The following SPOP variants were observed in gnomAD, a reference collection of about 807,000 sequenced individuals.
SPOP encodes speckle-type POZ protein.
A neutral mutation model predicts 45.6 loss-of-function variants in SPOP; 11 were observed. That is an observed-to-expected ratio of 0.24 (90% confidence interval 0.15 to 0.40). SPOP has a LOEUF of 0.40. Ranked by LOEUF, SPOP falls within the 10% of genes least tolerant of loss-of-function variation. SPOP has a pLI of 1.00. For synonymous variants in SPOP, 166 were observed against 166.3 expected (o/e 1.00, Z 0.01); for missense variants, 152 against 465.6 (o/e 0.33, Z 6.20).
chr17:49,651,967 C>G (rs887006389), intron 1 of SPOP, among the ~76,000 whole-genome samples: 1 of 151,204 alleles, frequency 6.6e-6, no homozygotes, highest in African/African-American at 2.4e-5. Flanking sequence ...TGCAATGAGC[C>G]GAAATCGTGC....
At position 49,619,451 on chromosome 17, in the gene SPOP, C is replaced by T; in HGVS notation, c.201-66G>A. 1 of 1,523,486 alleles carries T rather than the reference C, an allele frequency of 6.6e-7. No homozygotes were observed. The highest frequency in any genetic ancestry group is 1.2e-5 in the South Asian group (1 of 80,566). The allele number at this position is 1,523,486 out of a possible 1,614,324, so 94.4% of individuals were successfully genotyped here. ...CATTTTGATAGAACTGGAAATCAGA[C>T]TCAAGAGAGGGAGATGTTTAAAAAA... On this transcript the variant is annotated intron_variant, in intron 3 of 9. Coordinates refer to ENST00000504102, the MANE Select transcript of SPOP (RefSeq NM_001007228.2). This position sits in a 1 kb window ranked among gnomAD's most constrained non-coding sequence, Gnocchi z 4.9.
chr17:49,622,664 A>T, intron 2 of SPOP, 69 bp downstream of exon 2: 1 of 1,360,146 alleles, frequency 7.4e-7, no homozygotes, highest in Non-Finnish European at 1.1e-6. Context: ...GTAGAAAAGC[A>T]ATCCTACTCC....
intron 1 of SPOP, among the ~76,000 whole-genome samples, chr17:49,668,354 T>C (rs1288215719): frequency 6.6e-6 from 1 of 152,070 alleles, no homozygotes; most frequent in Non-Finnish European, 1.5e-5. Context: ...TACAACCAAA[T>C]ACTAAACAGC....
At chr17:49,672,659 T>C (rs778743569) in intron 1 of SPOP, among the ~76,000 whole-genome samples, 7 of 152,078 alleles carry the variant, frequency 4.6e-5, no homozygotes, top group Non-Finnish European at 7.4e-5. Context: ...AAAACCAGTA[T>C]CATGAGGCCA....
At chr17:49,613,866 C>T (rs2072027289) in intron 5 of SPOP, among the ~76,000 whole-genome samples, 1 of 152,090 alleles carries the variant, frequency 6.6e-6, no homozygotes, top group Non-Finnish European at 1.5e-5. Context: ...CTGAGAAAAA[C>T]TAAAGATTTT....
intron 1 of SPOP, among the ~76,000 whole-genome samples, chr17:49,650,449 G>A (rs1454456019): frequency 2.0e-5 from 3 of 151,850 alleles, no homozygotes; most frequent in Non-Finnish European, 4.4e-5. Context: ...GCATGATGGT[G>A]CACGCCTATA....
chr17:49,624,777 AT>A (rs1284902088), intron 1 of SPOP, among the ~76,000 whole-genome samples: 2 of 151,248 alleles, frequency 1.3e-5, no homozygotes, highest in Admixed American at 1.3e-4. Context: ...CCTGGCCACA[AT>A]TTTTTTTAAT....
intron 1 of SPOP, among the ~76,000 whole-genome samples, chr17:49,655,504 C>T (rs575475612): frequency 1.5e-4 from 23 of 151,668 alleles, no homozygotes; most frequent in African/African-American, 5.6e-4. Context: ...GAGCGAGACT[C>T]CGTCTCCAAA....
chr17:49,603,477 G>A (rs777599325), intron 8 of SPOP, among the ~76,000 whole-genome samples: 2 of 152,122 alleles, frequency 1.3e-5, no homozygotes, highest in Admixed American at 6.5e-5. Context: ...TCTTAATTAT[G>A]CTTCTGAAAA....
chr17:49,627,883 G>C (rs926777188), intron 1 of SPOP, among the ~76,000 whole-genome samples: 2 of 152,102 alleles, frequency 1.3e-5, no homozygotes, highest in African/African-American at 4.8e-5. Flanking sequence ...CTCAGACTCT[G>C]AGGAGCTCTT....
At chr17:49,607,797 G>C (rs2071882987) in intron 7 of SPOP, 77 bp downstream of exon 7, 3 of 1,374,098 alleles carry the variant, frequency 2.2e-6, no homozygotes, top group South Asian at 2.5e-5. Flanking sequence ...TTAGGAAAAT[G>C]AATCTGCAGC....
At chr17:49,671,747 T>C (rs951457922) in intron 1 of SPOP, among the ~76,000 whole-genome samples, 7 of 152,218 alleles carry the variant, frequency 4.6e-5, no homozygotes, top group Admixed American at 3.9e-4. Flanking sequence ...GGCTCATGCC[T>C]GTAATCCCAG....
intron 3 of SPOP, chr17:49,620,660 G>C (rs1396477880): frequency 6.5e-6 from 1 of 154,140 alleles, no homozygotes; most frequent in East Asian, 1.9e-4. Flanking sequence ...AATAGTGTTA[G>C]AGATGCCAAT....
At chr17:49,607,737 C>T in intron 7 of SPOP, 137 bp downstream of exon 7, 1 of 796,478 alleles carries the variant, frequency 1.3e-6, no homozygotes, top group Non-Finnish European at 2.0e-6. Context: ...TCTCTCTGCT[C>T]TCAGAAGGAG....
At chr17:49,667,932 C>G (rs2073084290) in intron 1 of SPOP, 1 of 152,170 alleles carries the variant, frequency 6.6e-6, no homozygotes, top group South Asian at 2.1e-4. Context: ...CTAGCACATG[C>G]CACAACATGG....
At chr17:49,675,233 A>G (rs553797084) in intron 1 of SPOP, among the ~76,000 whole-genome samples, 10 of 152,252 alleles carry the variant, frequency 6.6e-5, no homozygotes, top group East Asian at 3.9e-4. Flanking sequence ...TAAATGTCCA[A>G]TAAGTGTTGG....
intron 5 of SPOP, among the ~76,000 whole-genome samples, chr17:49,617,019 A>T (rs2072102166): frequency 6.6e-6 from 1 of 152,206 alleles, no homozygotes; most frequent in Admixed American, 6.5e-5. Context: ...GAGACTGCCA[A>T]GTGAGGGCAG....
intron 8 of SPOP, among the ~76,000 whole-genome samples, chr17:49,604,891 T>A (rs183649742): frequency 1.3e-5 from 2 of 152,350 alleles, no homozygotes; most frequent in Admixed American, 1.3e-4. Context: ...AGAAAAAGGA[T>A]TCCAGGGTTA....
chr17:49,614,087 T>C (rs138780735), intron 5 of SPOP, among the ~76,000 whole-genome samples: 14 of 152,336 alleles, frequency 9.2e-5, no homozygotes, highest in Admixed American at 7.2e-4. Flanking sequence ...AAACTAAAGA[T>C]TGTGCCAATT....
Sources: allele counts gnomAD v4.1 joint callset (sites outside exome capture counted in the v4.1 genomes callset), GRCh38; gene constraint gnomAD v4.1.1; non-coding constraint Gnocchi (gnomAD v3.1); transcripts MANE v1.5; gene names NCBI Gene and HGNC (gene_info 2026-07-23, HGNC 2026-07-21).